SMOC2: variants seen among roughly 807,000 people sequenced by gnomAD.
The protein encoded by SMOC2 is SPARC-related modular calcium-binding protein 2.
SMOC2 carries 39 observed loss-of-function variants against 61.4 expected under a neutral mutation model. That is an observed-to-expected ratio of 0.64 (90% CI 0.49 to 0.83). SMOC2 has a LOEUF of 0.83. Ranked by LOEUF, SMOC2 falls within the 40% of genes least tolerant of loss-of-function variation. SMOC2 has a pLI of 0.00. For missense variants in SMOC2, 556 were observed against 592.9 expected (o/e 0.94, Z 0.65); for synonymous variants, 247 against 239.9 (o/e 1.03, Z -0.27).
intron 7 of SMOC2, among the ~76,000 whole-genome samples, chr6:168,571,857 T>A (rs1380693412): frequency 2.3e-5 from 3 of 129,872 alleles, no homozygotes; most frequent in African/African-American, 8.5e-5. Flanking sequence ...GAACGCGATG[T>A]TCATTTCCTC....
At chr6:168,479,107 C>T (rs535965255) in intron 1 of SMOC2, among the ~76,000 whole-genome samples, 2 of 146,622 alleles carry the variant, frequency 1.4e-5, no homozygotes, top group East Asian at 2.1e-4. Flanking sequence ...GAGTCAGGAA[C>T]GTTGAATGAT....
At chr6:168,449,958 GC>G (rs927222207) in intron 1 of SMOC2, among the ~76,000 whole-genome samples, 1 of 152,240 alleles carries the variant, frequency 6.6e-6, no homozygotes, top group Admixed American at 6.5e-5. Flanking sequence ...TCAGGACTGT[GC>G]CCTGTGGTCC....
intron 9 of SMOC2, among the ~76,000 whole-genome samples, chr6:168,617,012 T>G (rs1786112381): frequency 6.6e-6 from 1 of 152,204 alleles, no homozygotes; most frequent in African/African-American, 2.4e-5. Flanking sequence ...GTGGACAGGA[T>G]GCACCCTGCA....
chr6:168,484,942 G>A (rs1441225604), intron 1 of SMOC2, among the ~76,000 whole-genome samples: 1 of 152,208 alleles, frequency 6.6e-6, no homozygotes, highest in Non-Finnish European at 1.5e-5. Context: ...AGGGGCTGGG[G>A]AAGGGGAAAT....
intron 1 of SMOC2, among the ~76,000 whole-genome samples, chr6:168,472,717 A>AT (rs896920835): frequency 1.1e-3 from 169 of 152,214 alleles, no homozygotes; most frequent in African/African-American, 3.8e-3. Context: ...GAATGCAGGC[A>AT]TTTTTTCCCC....
rs1786347359 is a variant in SMOC2, at chr6:168,624,711, CACAG to C, written c.907+16476_907+16479del. ...ACATAGATACAGATGTACACGGACA[CACAG>C]ACACAGACACACAGACACAATACAG... is the stretch of plus-strand genomic sequence containing the variant. On this transcript the variant is annotated intron_variant, in intron 9 of 12. Transcript: ENST00000356284. Among the ~76,000 whole-genome samples, 3 of 151,992 alleles carry C rather than the reference CACAG, an allele frequency of 2.0e-5. No individual in the cohort carries two copies. In the South Asian group the frequency reaches 6.2e-4, roughly 32 times the overall value.
At chr6:168,524,874 C>T (rs117593917) in intron 2 of SMOC2, among the ~76,000 whole-genome samples, 1,870 of 152,322 alleles carry the variant, frequency 0.012, 32 homozygotes, top group East Asian at 0.032. Context: ...AGAGAGGAGT[C>T]GCACAAAGGC....
intron 2 of SMOC2, among the ~76,000 whole-genome samples, chr6:168,516,726 G>A (rs992464958): frequency 1.3e-5 from 2 of 152,088 alleles, no homozygotes; most frequent in East Asian, 1.9e-4. Context: ...ATTATTAGGC[G>A]GGCAGATCAT....
chr6:168,586,756 A>G (rs567055348), intron 7 of SMOC2, among the ~76,000 whole-genome samples: 1 of 152,274 alleles, frequency 6.6e-6, no homozygotes, highest in East Asian at 1.9e-4. Flanking sequence ...AATTTTTTTA[A>G]TATTCCAATT....
chr6:168,606,144 C>T (rs112371112), intron 8 of SMOC2, among the ~76,000 whole-genome samples: 2,133 of 152,236 alleles, frequency 0.014, 26 homozygotes, highest in Non-Finnish European at 0.024. Flanking sequence ...TACACATCAT[C>T]TCTGGGTGAA....
chr6:168,475,439 C>T lies in SMOC2; in HGVS notation c.84+33985C>T, dbSNP rs187359439. Among the ~76,000 whole-genome samples the T allele has an allele frequency of 2.3e-3, 356 of 152,248 alleles. 3 individuals carry two copies. The highest frequency in any genetic ancestry group is 8.0e-3 in the African/African-American group (333 of 41,554). ...ACAACCTTGCTCAATCCCTCCCCCACCCCACCAGGTCGTGATCCCTGAGGG... is the reference window on the plus strand; with the variant it reads ...ACAACCTTGCTCAATCCCTCCCCCATCCCACCAGGTCGTGATCCCTGAGGG... On this transcript the variant is annotated intron_variant, in intron 1 of 12. Transcript: ENST00000356284. This position sits in a 1 kb window ranked among gnomAD's most constrained non-coding sequence, Gnocchi z 4.6.
Position 168,666,638 on chromosome 6 carries a change from A to G in SMOC2, c.*200A>G, listed in dbSNP as rs1787669470. On this transcript the variant is annotated 3_prime_UTR_variant, in exon 13 of 13. Transcript: ENST00000356284. ...GCTGGCTTCAGAAAATTAATCACATACAATGTATGTGTCCTCTTTTGACCT... is the reference window on the plus strand; with the variant it reads ...GCTGGCTTCAGAAAATTAATCACATGCAATGTATGTGTCCTCTTTTGACCT... 1 of 625,862 alleles carries G rather than the reference A, an allele frequency of 1.6e-6. No individual in the cohort carries two copies. The highest frequency in any genetic ancestry group is 2.9e-6 in the Non-Finnish European group (1 of 349,846). 38.8% of individuals were successfully genotyped at this position (625,862 alleles called of 1,614,324 possible).
intron 1 of SMOC2, among the ~76,000 whole-genome samples, chr6:168,482,370 A>G (rs1378913016): frequency 7.3e-6 from 1 of 137,178 alleles, no homozygotes; most frequent in Non-Finnish European, 1.5e-5. Flanking sequence ...AAGACTAACT[A>G]ATGAAAAACT....
At chr6:168,639,850 G>A (rs1392782671) in intron 9 of SMOC2, among the ~76,000 whole-genome samples, 2 of 152,188 alleles carry the variant, frequency 1.3e-5, no homozygotes, top group East Asian at 3.9e-4. Context: ...CCAGTTGCCG[G>A]TCCTGTTTGA....
intron 9 of SMOC2, among the ~76,000 whole-genome samples, chr6:168,619,196 T>C (rs1198725596): frequency 1.3e-5 from 2 of 152,176 alleles, no homozygotes; most frequent in Non-Finnish European, 2.9e-5. Context: ...TAAAGTGCCA[T>C]TTAAAAAATT....
At chr6:168,548,294 A>C (rs1339132222) in intron 6 of SMOC2, among the ~76,000 whole-genome samples, 1 of 151,604 alleles carries the variant, frequency 6.6e-6, no homozygotes, top group Admixed American at 6.6e-5. Context: ...ATTCAAACCC[A>C]GATGTCTTCT....
intron 7 of SMOC2, among the ~76,000 whole-genome samples, chr6:168,571,923 C>T (rs28752104): frequency 0.082 from 1,875 of 22,858 alleles, 190 homozygotes; most frequent in African/African-American, 0.24. Flanking sequence ...GCGATGTTCA[C>T]TTCCTCCCCG....
intron 5 of SMOC2, among the ~76,000 whole-genome samples, chr6:168,545,708 T>C (rs1295081495): frequency 6.6e-6 from 1 of 152,236 alleles, no homozygotes; most frequent in Admixed American, 6.5e-5. Context: ...CCATTCAGGC[T>C]GAGCTTTCAG....
At chr6:168,549,414 A>T (rs992086679) in intron 7 of SMOC2, among the ~76,000 whole-genome samples, 2 of 152,198 alleles carry the variant, frequency 1.3e-5, no homozygotes, top group African/African-American at 4.8e-5. Context: ...CCCATAATAC[A>T]GTTAGTTAAC....
Sources: allele counts gnomAD v4.1 joint callset (sites outside exome capture counted in the v4.1 genomes callset), GRCh38; gene constraint gnomAD v4.1.1; non-coding constraint Gnocchi (gnomAD v3.1); transcripts MANE v1.5; gene names NCBI Gene and HGNC (gene_info 2026-07-23, HGNC 2026-07-21).